Variants in HDGFL3 observed in about 807,000 individuals in gnomAD.
The protein encoded by HDGFL3 is hepatoma-derived growth factor-related protein 3.
HDGFL3 carries 6 observed loss-of-function variants against 27.6 expected under a neutral mutation model. The observed-to-expected ratio is 0.22, with a 90% CI of 0.12 to 0.43. The LOEUF is 0.43. Ranked by LOEUF, HDGFL3 falls within the 20% of genes least tolerant of loss-of-function variation. The pLI is 1.00. For missense variants in HDGFL3, 207 were observed against 250.1 expected, an observed-to-expected ratio of 0.83 and a Z score of 1.16; for synonymous variants, 88 against 88.9, an observed-to-expected ratio of 0.99 and a Z score of 0.05.
In HDGFL3 at chr15:83,132,440, C is replaced by T. The variant is rs1378798503; in HGVS notation, c.*6830G>A. On this transcript the variant is annotated 3_prime_UTR_variant, in exon 6 of 6. Coordinates refer to ENST00000299633, the MANE Select transcript of HDGFL3 (RefSeq NM_016073.4). ...GTTCAGTTACTTCAGTCAGGTGCTGCCCTCAGACTCTCTAACTCCCTGGCT... is the reference window on the plus strand; with the variant it reads ...GTTCAGTTACTTCAGTCAGGTGCTGTCCTCAGACTCTCTAACTCCCTGGCT... The T allele has an allele frequency of 1.3e-5, 2 of 152,218 alleles. No homozygotes were observed. The highest frequency in any genetic ancestry group is 2.4e-5 in the African/African-American group (1 of 41,448). The allele number at this position is 152,218 out of a possible 1,614,324, so 9.4% of individuals were successfully genotyped here.
rs1183881374 is a variant in HDGFL3 at position 83,129,517 on chromosome 15, A to C, written c.*9753T>G. ...AAAAAACCCCAATTTAAAGATGAGGAGGCTGAGGCTCAGTCCACCTGAAAT... is the reference window on the plus strand; with the variant it reads ...AAAAAACCCCAATTTAAAGATGAGGCGGCTGAGGCTCAGTCCACCTGAAAT... On this transcript the variant is annotated 3_prime_UTR_variant, in exon 6 of 6. Transcript: ENST00000299633. 1 of 152,210 alleles carries C rather than the reference A, an allele frequency of 6.6e-6. No homozygotes were observed. Among genetic ancestry groups the C allele is most frequent in the African/African-American group, 2.4e-5 (1 of 41,442 alleles). The allele number at this position is 152,210 out of a possible 1,614,324, so 9.4% of individuals were successfully genotyped here. A position where few individuals can be genotyped will look rare whatever the true frequency, so the allele number is the denominator to read the frequency against.
At chr15:83,163,195 G>A (rs1452458817) in intron 2 of HDGFL3, among the ~76,000 whole-genome samples, 1 of 152,208 alleles carries the variant, frequency 6.6e-6, no homozygotes, top group Non-Finnish European at 1.5e-5. Flanking sequence ...CCTGCTGTCT[G>A]ATGTTTCCTT....
chr15:83,145,865 T>C (rs921836070), intron 5 of HDGFL3, among the ~76,000 whole-genome samples: 21 of 150,682 alleles, frequency 1.4e-4, no homozygotes, highest in Non-Finnish European at 3.0e-4. Flanking sequence ...TTCTTTCTTT[T>C]TTTTTTTTCT....
At chr15:83,121,296 G>C (rs2035225004) in intron 3 of HDGFL3, among the ~76,000 whole-genome samples, 1 of 150,972 alleles carries the variant, frequency 6.6e-6, no homozygotes, top group Middle Eastern at 3.4e-3. Context: ...TGGCCAGGCT[G>C]GTTTCAAACT....
intron 3 of HDGFL3, chr15:83,122,075 CT>C: frequency 8.2e-7 from 1 of 1,212,550 alleles, no homozygotes; most frequent in South Asian, 1.3e-5. Flanking sequence ...TAGAGAAGCT[CT>C]TTTAGTTATA....
intron 3 of HDGFL3, among the ~76,000 whole-genome samples, chr15:83,116,159 G>A (rs1385374760): frequency 6.6e-6 from 1 of 152,142 alleles, no homozygotes; most frequent in Non-Finnish European, 1.5e-5. Flanking sequence ...CAGCTCTCAC[G>A]GCTTCTCTCA....
Position 83,138,192 on chromosome 15 carries a change from T to C in HDGFL3, c.*1078A>G, listed in dbSNP as rs1400006318. The C allele has an allele frequency of 6.6e-6, 1 of 152,570 alleles. No homozygotes were observed. Among genetic ancestry groups the C allele is most frequent in the East Asian group, 1.9e-4 (1 of 5,204 alleles). 9.5% of individuals were successfully genotyped at this position (152,570 alleles called of 1,614,324 possible). ...TACTCCCAGTACACATTCCAATAAA[T>C]TTATTCTGTAAAAACAATACATTTT... On this transcript the variant is annotated 3_prime_UTR_variant, in exon 6 of 6. Transcript: ENST00000299633.
rs758261959 is a variant in HDGFL3 at position 83,164,001 on chromosome 15, T to C, written c.159A>G (p.Glu53=). Residue 53 remains glutamate, a splice_region_variant and synonymous_variant, in exon 2 of 6, where the codon GAA becomes GAG. Coordinates refer to ENST00000299633, the MANE Select transcript of HDGFL3 (RefSeq NM_016073.4). ...TGAAACTATTTTTGCTAACTTACGTTTCATGGGTGCCAAAAAAGAAGATAG... is the reference window on the plus strand; with the variant it reads ...TGAAACTATTTTTGCTAACTTACGTCTCATGGGTGCCAAAAAAGAAGATAG... ...KYPIFFFGTH[E]TAFLGPKDLF... The C allele has an allele frequency of 6.2e-7, 1 of 1,612,234 alleles. No individual in the cohort carries two copies. Among genetic ancestry groups the C allele is most frequent in the Non-Finnish European group, 8.5e-7 (1 of 1,178,708 alleles).
chr15:83,202,526 C>T (rs1371509670), intron 1 of HDGFL3, among the ~76,000 whole-genome samples: 3 of 151,984 alleles, frequency 2.0e-5, no homozygotes, highest in African/African-American at 4.8e-5. Context: ...TAGGAAGATG[C>T]AGCTTGGTAG....
intron 1 of HDGFL3, among the ~76,000 whole-genome samples, chr15:83,165,046 A>G (rs2037153079): frequency 1.3e-5 from 2 of 152,204 alleles, no homozygotes; most frequent in South Asian, 4.1e-4. Flanking sequence ...AACTGCCAGA[A>G]CTTTTCTTCT....
In HDGFL3 at chr15:83,133,002, G is replaced by C. The variant is rs2036357581; in HGVS notation, c.*6268C>G. ...GATCATGAATGGGTATTTCAGTTTTGTACTTGTGTCTACAGAATAGCCCCA... is the reference window on the plus strand; with the variant it reads ...GATCATGAATGGGTATTTCAGTTTTCTACTTGTGTCTACAGAATAGCCCCA... On this transcript the variant is annotated 3_prime_UTR_variant, in exon 6 of 6. Coordinates refer to ENST00000299633, the MANE Select transcript of HDGFL3 (RefSeq NM_016073.4). The C allele has an allele frequency of 6.6e-6, 1 of 152,120 alleles. No individual in the cohort carries two copies. The highest frequency in any genetic ancestry group is 2.1e-4 in the South Asian group (1 of 4,824). 9.4% of individuals were successfully genotyped at this position (152,120 alleles called of 1,614,324 possible).
chr15:83,119,759 G>C (rs1207375482), intron 3 of HDGFL3: 1 of 1,596,756 alleles, frequency 6.3e-7, no homozygotes, highest in Non-Finnish European at 8.5e-7. Flanking sequence ...GTTATGCATA[G>C]AGGCAAATAC....
At chr15:83,186,302 A>T (rs1394474814) in intron 1 of HDGFL3, among the ~76,000 whole-genome samples, 2 of 152,258 alleles carry the variant, frequency 1.3e-5, no homozygotes, top group Non-Finnish European at 2.9e-5. Flanking sequence ...GTTCAAGAAC[A>T]AAGCAGGAGA....
intron 1 of HDGFL3, among the ~76,000 whole-genome samples, chr15:83,206,409 CAAAAAT>C (rs1030780335): frequency 3.3e-5 from 5 of 152,104 alleles, no homozygotes; most frequent in Non-Finnish European, 7.4e-5. Context: ...GCCAACCATA[CAAAAAT>C]AAAAATAAAA....
intron 3 of HDGFL3, among the ~76,000 whole-genome samples, chr15:83,121,736 A>G (rs1289513594): frequency 2.0e-5 from 3 of 152,230 alleles, no homozygotes; most frequent in Non-Finnish European, 4.4e-5. Context: ...GTTCTATAGT[A>G]TATCACATGG....
intron 1 of HDGFL3, among the ~76,000 whole-genome samples, chr15:83,193,865 T>C (rs2151420883): frequency 6.6e-6 from 1 of 152,350 alleles, no homozygotes; most frequent in East Asian, 1.9e-4. Flanking sequence ...GGGTAGCCTA[T>C]AGTGTAGCTG....
At chr15:83,179,697 A>T (rs956468593) in intron 1 of HDGFL3, 1 of 151,984 alleles carries the variant, frequency 6.6e-6, no homozygotes, top group African/African-American at 2.4e-5. Context: ...CTTCCCTATT[A>T]TTTTCTATTC....
At position 83,207,653 on chromosome 15, in the gene HDGFL3, G is replaced by T. The variant is rs559662520; in HGVS notation, c.-239C>A. On this transcript the variant is annotated 5_prime_UTR_variant, in exon 1 of 6. Transcript: ENST00000299633. This position sits in a 1 kb window ranked among gnomAD's most constrained non-coding sequence, Gnocchi z 4.8. ...GGAGGGGAGCCCCCGGCCGTTCGGC[G>T]CTCGCCCGCGTCCGGCCGCGCCAAG... 8.6e-5 allele frequency: 15 copies of T among 175,106 alleles called. No homozygotes were observed. The highest frequency in any genetic ancestry group is 3.4e-4 in the African/African-American group (14 of 41,372). The allele number at this position is 175,106 out of a possible 1,614,324, so 10.8% of individuals were successfully genotyped here. A position where few individuals can be genotyped will look rare whatever the true frequency, so the allele number is the denominator to read the frequency against.
chr15:83,147,246 A>G (rs914844678), intron 5 of HDGFL3, among the ~76,000 whole-genome samples: 4 of 151,864 alleles, frequency 2.6e-5, no homozygotes, highest in African/African-American at 7.3e-5. Context: ...TATTTTTAGT[A>G]TGGTGTATTT....
Sources: gnomAD v4.1 joint callset for allele counts (sites outside exome capture counted in the v4.1 genomes callset) on GRCh38, gnomAD v4.1.1 for gene constraint, Gnocchi (gnomAD v3.1) non-coding constraint, MANE v1.5 for transcripts, NCBI Gene and HGNC (gene_info 2026-07-23, HGNC 2026-07-21) for gene names.